GALNT2: variants seen among roughly 807,000 people sequenced by gnomAD.
The protein encoded by GALNT2 is polypeptide N-acetylgalactosaminyltransferase 2, also known as UDP-GalNAc:polypeptide N-acetylgalactosaminyltransferase 2.
GALNT2 carries 31 observed loss-of-function variants against 81.4 expected under a neutral mutation model. The observed-to-expected ratio is 0.38, with a 90% CI of 0.29 to 0.51. GALNT2 has a LOEUF of 0.51. Ranked by LOEUF, GALNT2 falls within the 20% of genes least tolerant of loss-of-function variation. The probability of loss-of-function intolerance (pLI) is 0.87; values close to 1 mark genes in which losing one functional copy is unlikely to be tolerated. For synonymous variants in GALNT2, 303 were observed against 287.4 expected (o/e 1.05, Z -0.55); for missense variants, 629 against 765.7 (o/e 0.82, Z 2.11).
chr1:230,120,798 G>C (rs1660993109), intron 1 of GALNT2, among the ~76,000 whole-genome samples: 1 of 152,182 alleles, frequency 6.6e-6, no homozygotes, highest in African/African-American at 2.4e-5. Context: ...TGTGGCCCCA[G>C]GTCGTCACAC....
chr1:230,081,008 C>G (rs1209613390), intron 1 of GALNT2, among the ~76,000 whole-genome samples: 1 of 152,212 alleles, frequency 6.6e-6, no homozygotes, highest in Non-Finnish European at 1.5e-5. Flanking sequence ...TTCACGAGCC[C>G]AGAGGCTCCT....
intron 1 of GALNT2, among the ~76,000 whole-genome samples, chr1:230,058,281 C>T (rs1571913405): frequency 2.0e-5 from 3 of 152,158 alleles, no homozygotes; most frequent in Admixed American, 6.5e-5. Context: ...GCTGGCGGCA[C>T]GGCGACATAT....
At chr1:230,180,296 CTTTTTTT>C (rs56786141) in intron 2 of GALNT2, among the ~76,000 whole-genome samples, 9 of 70,606 alleles carry the variant, frequency 1.3e-4, no homozygotes, top group Admixed American at 3.4e-4. Flanking sequence ...TGTCTAGGTT[CTTTTTTT>C]TTTTTTTTTT....
intron 3 of GALNT2, among the ~76,000 whole-genome samples, chr1:230,206,195 T>C (rs2102709430): frequency 6.6e-6 from 1 of 152,324 alleles, no homozygotes; most frequent in Non-Finnish European, 1.5e-5. Context: ...TTCTTTCTCA[T>C]GGCTCATCAG....
At position 230,275,312 on chromosome 1, in the gene GALNT2, G is replaced by A. The variant is rs533104581; in HGVS notation, c.1560+748G>A. On this transcript the variant is annotated intron_variant, in intron 15 of 15. Coordinates refer to ENST00000366672, the MANE Select transcript of GALNT2 (RefSeq NM_004481.5). The surrounding 1 kb of genome is among the most constrained non-coding windows in gnomAD (Gnocchi z 5.5). ...ATGCCACATTTATACATATATAAAC[G>A]CCACATATATATACACACCACATAT... 2.7e-5 allele frequency among the ~76,000 whole-genome samples: 4 copies of A among 147,346 alleles called. No homozygotes were observed. Among genetic ancestry groups the A allele is most frequent in the South Asian group, 4.3e-4 (2 of 4,638 alleles).
At chr1:230,150,426 C>T (rs1440188635) in intron 1 of GALNT2, among the ~76,000 whole-genome samples, 1 of 152,224 alleles carries the variant, frequency 6.6e-6, no homozygotes, top group Non-Finnish European at 1.5e-5. Flanking sequence ...GAAACGGTTT[C>T]CAACAGCTGC....
At chr1:230,229,657 T>C (rs574974431) in intron 3 of GALNT2, among the ~76,000 whole-genome samples, 50 of 152,270 alleles carry the variant, frequency 3.3e-4, no homozygotes, top group African/African-American at 1.2e-3. Context: ...AGAGAATTGA[T>C]AATCAGCAGA....
chr1:230,236,719 C>A lies in GALNT2; in HGVS notation c.601C>A (p.Arg201=), dbSNP rs1665045229. 1 of 1,613,276 alleles carries A rather than the reference C, an allele frequency of 6.2e-7. No individual in the cohort carries two copies. Among genetic ancestry groups the A allele is most frequent in the East Asian group, 2.2e-5 (1 of 44,872 alleles). Reference sequence around the variant, plus strand: ...AGTGCGAGTTCTTAGAAATGATCGACGAGAAGGTAAGATTCTTCTTAATTC... The same window carrying A: ...AGTGCGAGTTCTTAGAAATGATCGAAGAGAAGGTAAGATTCTTCTTAATTC... ...EKVRVLRNDR[R]EGLMRSRVRG... Residue 201 remains arginine, a synonymous_variant, in exon 6 of 16, where the codon CGA becomes AGA. Coordinates refer to ENST00000366672, the MANE Select transcript of GALNT2 (RefSeq NM_004481.5).
chr1:230,128,475 G>A (rs1661263737), intron 1 of GALNT2, among the ~76,000 whole-genome samples: 1 of 152,048 alleles, frequency 6.6e-6, no homozygotes, highest in Admixed American at 6.6e-5. Flanking sequence ...AAATTCAGTG[G>A]GCCACTTGGG....
intron 1 of GALNT2, among the ~76,000 whole-genome samples, chr1:230,154,517 C>T (rs1464571416): frequency 6.6e-6 from 1 of 152,168 alleles, no homozygotes; most frequent in Non-Finnish European, 1.5e-5. Flanking sequence ...GAAGCCCTAA[C>T]CCCCAGGACC....
intron 1 of GALNT2, among the ~76,000 whole-genome samples, chr1:230,113,256 T>G (rs558830696): frequency 7.6e-4 from 115 of 152,054 alleles, no homozygotes; most frequent in African/African-American, 2.6e-3. Context: ...GCTTGGAGAG[T>G]GAGGAGCTGC....
chr1:230,175,244 G>A (rs758195156), intron 1 of GALNT2, among the ~76,000 whole-genome samples: 33 of 152,182 alleles, frequency 2.2e-4, no homozygotes, highest in Non-Finnish European at 7.3e-5. Context: ...TGAATGGTTA[G>A]TACAATGTCT....
chr1:230,274,008 G>A (rs747968154), intron 14 of GALNT2, among the ~76,000 whole-genome samples: 1 of 152,196 alleles, frequency 6.6e-6, no homozygotes, highest in Non-Finnish European at 1.5e-5. Flanking sequence ...CTGTTTGCAG[G>A]CCATACCTGC....
At chr1:230,093,142 A>G (rs796646836) in intron 1 of GALNT2, among the ~76,000 whole-genome samples, 32 of 152,338 alleles carry the variant, frequency 2.1e-4, no homozygotes, top group Middle Eastern at 3.4e-3. Flanking sequence ...TGAACGTGCA[A>G]TTGTATCTTG....
intron 1 of GALNT2, among the ~76,000 whole-genome samples, chr1:230,112,185 G>C (rs116115779): frequency 0.037 from 5,624 of 150,214 alleles, 149 homozygotes; most frequent in Non-Finnish European, 0.057. Flanking sequence ...CTCTGCAGTG[G>C]GATTTTCTCT....
At chr1:230,067,651 C>G (rs1037826971) in intron 1 of GALNT2, among the ~76,000 whole-genome samples, 4 of 152,090 alleles carry the variant, frequency 2.6e-5, no homozygotes, top group Admixed American at 2.6e-4. Flanking sequence ...TGGACGTCGC[C>G]CCTCTCTCTG....
intron 1 of GALNT2, among the ~76,000 whole-genome samples, chr1:230,130,712 A>T (rs61825397): frequency 0.14 from 21,105 of 152,162 alleles, 1,520 homozygotes; most frequent in South Asian, 0.23. Context: ...AAGAGTCTGG[A>T]ATTTACACTC....
chr1:230,112,332 A>G (rs545248451), intron 1 of GALNT2, among the ~76,000 whole-genome samples: 1 of 140,552 alleles, frequency 7.1e-6, no homozygotes, highest in Admixed American at 7.3e-5. Context: ...TGCAGCCTGC[A>G]CATGGGGTGG....
intron 2 of GALNT2, among the ~76,000 whole-genome samples, chr1:230,191,262 C>T (rs74384584): frequency 0.027 from 4,123 of 152,302 alleles, 88 homozygotes; most frequent in Middle Eastern, 0.061. Context: ...ACAGAGTGTT[C>T]AGGGATGCTG....
Sources: allele counts gnomAD v4.1 joint callset (sites outside exome capture counted in the v4.1 genomes callset), GRCh38; gene constraint gnomAD v4.1.1; non-coding constraint Gnocchi (gnomAD v3.1); transcripts MANE v1.5; gene names NCBI Gene and HGNC (gene_info 2026-07-23, HGNC 2026-07-21).